The following ADGRL3 variants were observed in gnomAD, a reference collection of about 807,000 sequenced individuals.
ADGRL3 encodes calcium-independent alpha-latrotoxin receptor 3.
In ADGRL3, 62 loss-of-function variants were observed where a neutral mutation model predicts 153.5. The observed-to-expected ratio is 0.40, with a 90% CI of 0.33 to 0.50. The LOEUF is 0.50. ADGRL3 is among the 20% of genes least tolerant of loss of function. The pLI, the probability that ADGRL3 is intolerant of heterozygous loss-of-function variation, is 0.47. For synonymous variants in ADGRL3, 710 were observed against 672.5 expected, an observed-to-expected ratio of 1.06 and a Z score of -0.86; for missense variants, 1,641 against 1,859.4, an observed-to-expected ratio of 0.88 and a Z score of 2.16.
chr4:61,979,078 T>G (rs1296522871), intron 17 of ADGRL3, among the ~76,000 whole-genome samples: 1 of 152,156 alleles, frequency 6.6e-6, no homozygotes, highest in African/African-American at 2.4e-5. Flanking sequence ...ATACAAGATT[T>G]AGAGGACAAA....
At chr4:61,766,887 G>A (rs2096989358) in intron 8 of ADGRL3, among the ~76,000 whole-genome samples, 2 of 152,204 alleles carry the variant, frequency 1.3e-5, no homozygotes, top group African/African-American at 2.4e-5. Context: ...TGGTTGATGA[G>A]GCGCAGATCC....
Position 62,037,723 on chromosome 4 carries a change from T to C in ADGRL3, c.3592-8T>C. The C allele has an allele frequency of 6.2e-7, 1 of 1,613,616 alleles. No homozygotes were observed. Among genetic ancestry groups the C allele is most frequent in the Non-Finnish European group, 8.5e-7 (1 of 1,179,638 alleles). Reference sequence around the variant, plus strand: ...CTTGCTAACAGAAGTTAATATTTAATTGGCTAGGTACGAAAAGAGTATGGG... The same window carrying C: ...CTTGCTAACAGAAGTTAATATTTAACTGGCTAGGTACGAAAAGAGTATGGG... On this transcript the variant is annotated splice_region_variant and splice_polypyrimidine_tract_variant and intron_variant, in intron 23 of 26. Transcript: ENST00000683033.
chr4:61,339,717 C>T (rs1363645503), intron 1 of ADGRL3, among the ~76,000 whole-genome samples: 7 of 152,078 alleles, frequency 4.6e-5, no homozygotes, highest in East Asian at 1.9e-4. Flanking sequence ...AGCTACATAG[C>T]CTTGTAACTA....
At chr4:61,635,775 G>GT (rs989495015) in intron 5 of ADGRL3, among the ~76,000 whole-genome samples, 3 of 151,992 alleles carry the variant, frequency 2.0e-5, no homozygotes, top group Non-Finnish European at 4.4e-5. Context: ...TGACAGGGAT[G>GT]TTTTTTCCTG....
At chr4:61,845,005 G>A (rs1296063437) in intron 9 of ADGRL3, among the ~76,000 whole-genome samples, 1 of 152,150 alleles carries the variant, frequency 6.6e-6, no homozygotes, top group African/African-American at 2.4e-5. Flanking sequence ...AGAAGAGAAA[G>A]TGGGAAAGAT....
chr4:61,979,701 A>C lies in ADGRL3; in HGVS notation c.2944A>C (p.Lys982Gln). The C allele has an allele frequency of 1.2e-6, 2 of 1,613,976 alleles. No homozygotes were observed. The highest frequency in any genetic ancestry group is 1.7e-6 in the Non-Finnish European group (2 of 1,179,914). ...GLQSDRNTIH[K>Q]NLCISLFVAE... Reference sequence around the variant, plus strand: ...CCAGAGTGACCGTAACACCATCCACAAGAACCTCTGCATCAGTCTCTTTGT... The same window carrying C: ...CCAGAGTGACCGTAACACCATCCACCAGAACCTCTGCATCAGTCTCTTTGT... Residue 982 changes from lysine to glutamine, a missense_variant, in exon 18 of 27, where the codon AAG becomes CAG. Transcript: ENST00000683033.
At chr4:61,949,572 G>A (rs1005756966) in intron 17 of ADGRL3, among the ~76,000 whole-genome samples, 1 of 151,900 alleles carries the variant, frequency 6.6e-6, no homozygotes, top group Non-Finnish European at 1.5e-5. Context: ...GTGCATGCTT[G>A]TAATCCCAGC....
At chr4:61,292,426 T>G (rs2094255104) in intron 1 of ADGRL3, among the ~76,000 whole-genome samples, 1 of 152,180 alleles carries the variant, frequency 6.6e-6, no homozygotes, top group Non-Finnish European at 1.5e-5. Context: ...TGAAAGAGAC[T>G]GATAGTGTCT....
chr4:61,518,449 T>C lies in ADGRL3; in HGVS notation c.259+931T>C, dbSNP rs1054450473. Among the ~76,000 whole-genome samples the C allele has an allele frequency of 2.0e-5, 3 of 152,168 alleles. No individual in the cohort carries two copies. The East Asian group carries it at 5.8e-4, about 29-fold the overall frequency. On this transcript the variant is annotated intron_variant, in intron 4 of 26. Transcript: ENST00000683033. ...ATGAAACATCACAGTATTAGCTGAG[T>C]TTATCTTCTAAGCCCCGTTGAAGAG...
At chr4:61,949,890 A>G (rs1277497985) in intron 17 of ADGRL3, among the ~76,000 whole-genome samples, 1 of 152,194 alleles carries the variant, frequency 6.6e-6, no homozygotes, top group African/African-American at 2.4e-5. Flanking sequence ...ACTTTATGCG[A>G]AAGTTAAAGC....
chr4:61,677,199 A>G (rs189497450), intron 6 of ADGRL3: 31 of 366,806 alleles, frequency 8.5e-5, no homozygotes, highest in East Asian at 1.1e-4. Flanking sequence ...GCAAGAATAT[A>G]AAACATTTAG....
At chr4:61,386,016 A>G (rs1387587321) in intron 2 of ADGRL3, among the ~76,000 whole-genome samples, 2 of 152,130 alleles carry the variant, frequency 1.3e-5, no homozygotes, top group Non-Finnish European at 2.9e-5. Flanking sequence ...TCCTGAATTC[A>G]TACCAACTGG....
At chr4:61,269,694 T>G (rs2093049622) in intron 1 of ADGRL3, among the ~76,000 whole-genome samples, 1 of 151,738 alleles carries the variant, frequency 6.6e-6, no homozygotes, top group South Asian at 2.1e-4. Context: ...CAAGCTCTAA[T>G]TTTGGCTAGA....
chr4:61,239,532 A>C (rs1448427920), intron 1 of ADGRL3, among the ~76,000 whole-genome samples: 1 of 152,108 alleles, frequency 6.6e-6, no homozygotes, highest in Non-Finnish European at 1.5e-5. Flanking sequence ...CAAACAGAAC[A>C]CTTAAACTCT....
chr4:61,315,865 C>T (rs986313697), intron 1 of ADGRL3, among the ~76,000 whole-genome samples: 4 of 152,132 alleles, frequency 2.6e-5, no homozygotes, highest in Admixed American at 6.6e-5. Flanking sequence ...TTTGCCTTCT[C>T]CTTTCCATTT....
rs1289676221 is a variant in ADGRL3, at chr4:61,456,407, ATATATATAGATATATCTATATC to A, written c.-173-40705_-173-40684del. Among the ~76,000 whole-genome samples the A allele has an allele frequency of 1.6e-3, 71 of 45,412 alleles. 1 individual carries two copies. Among genetic ancestry groups the A allele is most frequent in the South Asian group, 4.0e-3 (6 of 1,518 alleles). 29.8% of individuals were successfully genotyped at this position (45,412 alleles called of 152,430 possible). A position where few individuals can be genotyped will look rare whatever the true frequency, so the allele number is the denominator to read the frequency against. On this transcript the variant is annotated intron_variant, in intron 2 of 26. Transcript: ENST00000683033. ...TATATATAGATATATCTATATCTATATATATATAGATATATCTATATCTATATATATAGATATATCTATATCT... is the reference window on the plus strand; with the variant it reads ...TATATATAGATATATCTATATCTATATATATATATAGATATATCTATATCT...
intron 8 of ADGRL3, among the ~76,000 whole-genome samples, chr4:61,761,585 G>A (rs921157602): frequency 7.2e-5 from 11 of 152,046 alleles, no homozygotes; most frequent in Admixed American, 7.2e-4. Context: ...CTTGAAGCGA[G>A]GATTTCAATA....
chr4:61,757,038 AT>A (rs2096842064), intron 8 of ADGRL3, among the ~76,000 whole-genome samples: 1 of 151,886 alleles, frequency 6.6e-6, no homozygotes, highest in East Asian at 1.9e-4. Context: ...TTTATTGAGG[AT>A]TTTTGCGTCG....
Position 61,733,121 on chromosome 4 carries a change from T to C in ADGRL3, c.966T>C (p.Pro322=). The C allele has an allele frequency of 6.2e-7, 1 of 1,613,250 alleles. No homozygotes were observed. Among genetic ancestry groups the C allele is most frequent in the Non-Finnish European group, 8.5e-7 (1 of 1,179,590 alleles). ...IANANYHDTS[P]YRWGGKSDID... The stretch of plus-strand genomic sequence containing the variant: ...ATGCCAATTACCATGATACCTCCCC[T>C]TACCGATGGGGAGGCAAATCTGACA... The change falls in exon 8 of 27, where the codon CCT becomes CCC. Residue 322 remains proline, a synonymous_variant. Coordinates refer to ENST00000683033, the MANE Select transcript of ADGRL3 (RefSeq NM_001387552.1).
Sources: gnomAD v4.1 joint callset for allele counts (sites outside exome capture counted in the v4.1 genomes callset) on GRCh38, gnomAD v4.1.1 for gene constraint, MANE v1.5 for transcripts, NCBI Gene and HGNC (gene_info 2026-07-23, HGNC 2026-07-21) for gene names.